AUTS2: variants seen among roughly 807,000 people sequenced by gnomAD.
AUTS2 encodes autism susceptibility gene 2 protein.
A neutral mutation model predicts 112.4 loss-of-function variants in AUTS2; 17 were observed. The observed-to-expected ratio is 0.15, with a 90% confidence interval of 0.10 to 0.23. The LOEUF is 0.23. Among genes scored for constraint, AUTS2 ranks in the 10% least tolerant of loss-of-function variants. The probability of loss-of-function intolerance (pLI) is 1.00; values close to 1 mark genes in which losing one functional copy is unlikely to be tolerated. For missense variants in AUTS2, 1,510 were observed against 1,701.6 expected (o/e 0.89, Z 1.98); for synonymous variants, 751 against 702.7 (o/e 1.07, Z -1.09).
rs559171352 is a variant in AUTS2, at chr7:70,110,828, A to G, written c.523-7304A>G. On this transcript the variant is annotated intron_variant, in intron 2 of 18. Transcript: ENST00000342771. Reference sequence around the variant, plus strand: ...ATTAGAGTGACTTTACGATACATGAATTTCAAGGGAATACCTAACTTTCTT... The same window carrying G: ...ATTAGAGTGACTTTACGATACATGAGTTTCAAGGGAATACCTAACTTTCTT... Among the ~76,000 whole-genome samples, 205 of 148,824 alleles carry G rather than the reference A, an allele frequency of 1.4e-3. 2 individuals are homozygous for G. The highest frequency in any genetic ancestry group is 2.7e-3 in the Non-Finnish European group (183 of 67,292).
chr7:70,094,768 C>T (rs976910795), intron 2 of AUTS2, among the ~76,000 whole-genome samples: 1 of 152,098 alleles, frequency 6.6e-6, no homozygotes, highest in Non-Finnish European at 1.5e-5. Flanking sequence ...ATTTATAGTT[C>T]GTGAGTTCAA....
At chr7:69,930,827 A>G (rs954054261) in intron 2 of AUTS2, among the ~76,000 whole-genome samples, 1 of 152,118 alleles carries the variant, frequency 6.6e-6, no homozygotes, top group Non-Finnish European at 1.5e-5. Flanking sequence ...AAACATCATC[A>G]TTATTAACTT....
intron 9 of AUTS2, among the ~76,000 whole-genome samples, chr7:70,767,520 G>C (rs2129557646): frequency 6.6e-6 from 1 of 152,246 alleles, no homozygotes; most frequent in South Asian, 2.1e-4. Context: ...ACATTATTTA[G>C]AGGGAACAAT....
chr7:70,501,955 G>C (rs1798787451), intron 5 of AUTS2, among the ~76,000 whole-genome samples: 1 of 152,160 alleles, frequency 6.6e-6, no homozygotes, highest in Admixed American at 6.5e-5. Context: ...GCTGTCAGCT[G>C]TGTCTCCATG....
chr7:70,163,367 G>A (rs1439651373), intron 4 of AUTS2, among the ~76,000 whole-genome samples: 4 of 102,628 alleles, frequency 3.9e-5, no homozygotes, highest in Non-Finnish European at 4.3e-5. Flanking sequence ...GGCAGAGGGG[G>A]AGGGAGAAGG....
intron 12 of AUTS2, 188 bp downstream of exon 12, chr7:70,774,287 A>G (rs2129558706): frequency 1.7e-6 from 1 of 597,844 alleles, no homozygotes; most frequent in Middle Eastern, 4.5e-4. Context: ...CACTGCGAGC[A>G]TAGGACACAA....
At chr7:70,552,186 A>G (rs1388250665) in intron 5 of AUTS2, among the ~76,000 whole-genome samples, 1 of 152,172 alleles carries the variant, frequency 6.6e-6, no homozygotes, top group Non-Finnish European at 1.5e-5. Context: ...GTGGAACTTA[A>G]TCTAATTTAT....
intron 2 of AUTS2, among the ~76,000 whole-genome samples, chr7:70,031,761 T>C (rs1584608362): frequency 6.6e-6 from 1 of 152,184 alleles, no homozygotes; most frequent in East Asian, 1.9e-4. Flanking sequence ...TGTGTATTCA[T>C]CGAGTGAAAC....
chr7:69,770,232 G>C (rs1788601908), intron 1 of AUTS2, among the ~76,000 whole-genome samples: 1 of 152,220 alleles, frequency 6.6e-6, no homozygotes, highest in Admixed American at 6.5e-5. Flanking sequence ...AGGTGATTTT[G>C]TTAATCTAGC....
chr7:70,767,044 A>G (rs1235091390), intron 9 of AUTS2, among the ~76,000 whole-genome samples: 1 of 152,226 alleles, frequency 6.6e-6, no homozygotes, highest in East Asian at 1.9e-4. Context: ...ACGATAATTC[A>G]TAGTGCCATA....
chr7:70,383,870 A>G (rs1219208660), intron 4 of AUTS2, among the ~76,000 whole-genome samples: 1 of 152,238 alleles, frequency 6.6e-6, no homozygotes, highest in African/African-American at 2.4e-5. Context: ...GTACTCTGAC[A>G]AAATACCTAA....
At chr7:69,774,521 G>T (rs534733373) in intron 1 of AUTS2, among the ~76,000 whole-genome samples, 1 of 152,362 alleles carries the variant, frequency 6.6e-6, no homozygotes, top group South Asian at 2.1e-4. Context: ...TGAATCGGAT[G>T]TTGGAATTCT....
At chr7:70,496,825 C>A (rs1455352093) in intron 5 of AUTS2, among the ~76,000 whole-genome samples, 1 of 126,222 alleles carries the variant, frequency 7.9e-6, no homozygotes, top group Non-Finnish European at 1.6e-5. Flanking sequence ...ACATCAGCAT[C>A]GATCACACAC....
At chr7:69,648,212 A>G (rs1795122688) in intron 1 of AUTS2, among the ~76,000 whole-genome samples, 1 of 152,180 alleles carries the variant, frequency 6.6e-6, no homozygotes, top group Admixed American at 6.5e-5. Flanking sequence ...TACATAATTC[A>G]TCAAGAGCAC....
chr7:70,498,955 G>A (rs1199902504), intron 5 of AUTS2, among the ~76,000 whole-genome samples: 4 of 152,168 alleles, frequency 2.6e-5, no homozygotes, highest in Non-Finnish European at 5.9e-5. Context: ...CAAGGCATGG[G>A]GCTGGACCGA....
chr7:70,752,544 C>G (rs1788934451), intron 6 of AUTS2, among the ~76,000 whole-genome samples: 1 of 152,164 alleles, frequency 6.6e-6, no homozygotes, highest in Admixed American at 6.5e-5. Context: ...TATCTGTGAG[C>G]CTTACAGAAA....
chr7:69,914,356 G>GACACAC (rs66527808), intron 2 of AUTS2, among the ~76,000 whole-genome samples: 5,628 of 135,972 alleles, frequency 0.041, 159 homozygotes, highest in African/African-American at 0.079. Context: ...CACACACACA[G>GACACAC]ACACACACAC....
intron 2 of AUTS2, among the ~76,000 whole-genome samples, chr7:69,953,071 T>C (rs1797085084): frequency 6.6e-6 from 1 of 152,200 alleles, no homozygotes; most frequent in African/African-American, 2.4e-5. Flanking sequence ...AGTGGCATGT[T>C]CTAGAGAAGG....
intron 1 of AUTS2, among the ~76,000 whole-genome samples, chr7:69,746,607 C>T (rs956601316): frequency 1.3e-5 from 2 of 152,010 alleles, no homozygotes; most frequent in African/African-American, 4.8e-5. Flanking sequence ...TACAAGTGTC[C>T]TAAGTGGGTG....
Sources: allele counts gnomAD v4.1 joint callset (sites outside exome capture counted in the v4.1 genomes callset), GRCh38; gene constraint gnomAD v4.1.1; transcripts MANE v1.5; gene names NCBI Gene and HGNC (gene_info 2026-07-23, HGNC 2026-07-21).